Variants in SLC28A1 observed in about 807,000 individuals in gnomAD.
The protein encoded by SLC28A1 is solute carrier family 28 member 1, also known as sodium/nucleoside cotransporter 1.
A neutral mutation model predicts 74.8 loss-of-function variants in SLC28A1; 64 were observed. That is an observed-to-expected ratio of 0.86 (90% CI 0.70 to 1.05). The LOEUF (loss-of-function observed/expected upper bound fraction) is 1.05, where lower values mean the gene tolerates loss of function less well. SLC28A1 is among the 50% of genes least tolerant of loss of function. The probability of loss-of-function intolerance (pLI) is 0.00; values close to 1 mark genes in which losing one functional copy is unlikely to be tolerated. For missense variants in SLC28A1, 828 were observed against 822.8 expected, an observed-to-expected ratio of 1.01 and a Z score of -0.08; for synonymous variants, 359 against 335.0, an observed-to-expected ratio of 1.07 and a Z score of -0.78.
rs765486857 is a variant in SLC28A1 at position 84,921,074 on chromosome 15, G to T, written c.957+5G>T. The T allele has an allele frequency of 2.5e-6, 4 of 1,610,420 alleles. No homozygotes were observed. The South Asian group carries it at 4.4e-5, about 18-fold the overall frequency. On this transcript the variant is annotated splice_donor_5th_base_variant and intron_variant, in intron 11 of 18. Coordinates refer to ENST00000394573, the MANE Select transcript of SLC28A1 (RefSeq NM_004213.5). ...GGAAACATCTTTGTGAGCCAGGTGGGTATGGAAGCCTCCTACCCTCATGCT... is the reference window on the plus strand; with the variant it reads ...GGAAACATCTTTGTGAGCCAGGTGGTTATGGAAGCCTCCTACCCTCATGCT...
intron 9 of SLC28A1, among the ~76,000 whole-genome samples, chr15:84,916,340 C>T (rs1470214048): frequency 6.6e-6 from 1 of 150,680 alleles, no homozygotes; most frequent in Non-Finnish European, 1.5e-5. Context: ...CTCCTGGAAT[C>T]CAGTAATCCT....
chr15:84,923,748 G>A (rs1274802155), intron 11 of SLC28A1, among the ~76,000 whole-genome samples: 2 of 152,132 alleles, frequency 1.3e-5, no homozygotes, highest in Admixed American at 6.6e-5. Flanking sequence ...TGCCTGGCAC[G>A]TGGCAGGACA....
chr15:84,896,667 C>T (rs1445488464), intron 6 of SLC28A1, among the ~76,000 whole-genome samples: 3 of 152,038 alleles, frequency 2.0e-5, no homozygotes, highest in Non-Finnish European at 2.9e-5. Context: ...CAAAAATTAG[C>T]CAGGCATGGT....
intron 6 of SLC28A1, among the ~76,000 whole-genome samples, chr15:84,899,911 GAA>G (rs1252851634): frequency 1.7e-5 from 2 of 120,498 alleles, no homozygotes; most frequent in African/African-American, 5.7e-5. Context: ...GAAAGAAAGA[GAA>G]AGAGGGAAAG....
chr15:84,887,433 C>A, intron 2 of SLC28A1: 1 of 983,330 alleles, frequency 1.0e-6, no homozygotes, highest in Non-Finnish European at 1.2e-6. Flanking sequence ...CCTGTAATCC[C>A]AACACTTTGG....
At chr15:84,891,732 C>T (rs944791885) in intron 5 of SLC28A1, among the ~76,000 whole-genome samples, 10 of 152,126 alleles carry the variant, frequency 6.6e-5, no homozygotes, top group Non-Finnish European at 5.9e-5. Context: ...TGAATTGGAG[C>T]GGATGGCAGA....
chr15:84,910,083 G>A (rs1297473641), intron 9 of SLC28A1, among the ~76,000 whole-genome samples: 2 of 152,192 alleles, frequency 1.3e-5, no homozygotes, highest in Non-Finnish European at 1.5e-5. Context: ...CATCTCTTGT[G>A]CCAGCAGACT....
At chr15:84,888,981 GAATAAAGGCGCTTTAGCC>G in intron 4 of SLC28A1, 121 bp downstream of exon 4, 1 of 725,824 alleles carries the variant, frequency 1.4e-6, no homozygotes, top group South Asian at 1.5e-5. Context: ...TTGAAGGGAG[GAATAAAGGCGCTTTAGCC>G]AACACGCACA....
At position 84,920,502 on chromosome 15, in the gene SLC28A1, A is replaced by G. The variant is rs140330477; in HGVS notation, c.877-487A>G. 2.3e-3 allele frequency among the ~76,000 whole-genome samples: 299 copies of G among 129,074 alleles called. 2 individuals are homozygous for G. Among genetic ancestry groups the G allele is most frequent in the African/African-American group, 7.9e-3 (285 of 36,090 alleles). 84.7% of individuals were successfully genotyped at this position (129,074 alleles called of 152,430 possible). On this transcript the variant is annotated intron_variant, in intron 10 of 18. Transcript: ENST00000394573. ...AGGGGAAGGGGAAGGGCTTTCTAAT[A>G]GAATGTTTCCCAAAACCTTTTCCAC... is the stretch of plus-strand genomic sequence containing the variant.
chr15:84,953,817 G>T, the SLC28A1 span, among the ~76,000 whole-genome samples: 2 of 152,174 alleles, frequency 1.3e-5, no homozygotes, highest in Non-Finnish European at 2.9e-5. Flanking sequence ...AATCAGAGGG[G>T]TATATTACTT....
intron 9 of SLC28A1, among the ~76,000 whole-genome samples, chr15:84,914,173 C>G (rs534315309): frequency 3.2e-4 from 49 of 152,162 alleles, no homozygotes; most frequent in Admixed American, 2.1e-3. Context: ...TGGTCTTGAA[C>G]TCCTGAACTC....
intron 8 of SLC28A1, among the ~76,000 whole-genome samples, chr15:84,908,404 G>A (rs549632903): frequency 6.6e-6 from 1 of 151,852 alleles, no homozygotes; most frequent in African/African-American, 2.4e-5. Context: ...AGCTGGTTTC[G>A]AACTCCTGAC....
At chr15:84,968,276 G>A in the SLC28A1 span, among the ~76,000 whole-genome samples, 1 of 152,272 alleles carries the variant, frequency 6.6e-6, no homozygotes, top group African/African-American at 2.4e-5. Flanking sequence ...TTGTGAGGGT[G>A]GGATGCAAAA....
chr15:84,933,684 A>G (rs1398954532), intron 13 of SLC28A1, among the ~76,000 whole-genome samples: 3 of 152,072 alleles, frequency 2.0e-5, no homozygotes, highest in African/African-American at 7.2e-5. Flanking sequence ...TTAAGAAGCC[A>G]CCAGTCAAGT....
the SLC28A1 span, among the ~76,000 whole-genome samples, chr15:84,970,612 G>A: frequency 1.3e-5 from 2 of 152,192 alleles, no homozygotes; most frequent in East Asian, 3.9e-4. Context: ...GGCAGTCGGG[G>A]GTAAATTTGG....
At chr15:84,962,442 A>G in the SLC28A1 span, among the ~76,000 whole-genome samples, 1 of 150,406 alleles carries the variant, frequency 6.6e-6, no homozygotes, top group African/African-American at 2.5e-5. Flanking sequence ...TGGGCCTATG[A>G]TTTTTTGTTT....
chr15:84,964,373 C>T, the SLC28A1 span, among the ~76,000 whole-genome samples: 47 of 152,262 alleles, frequency 3.1e-4, no homozygotes, highest in South Asian at 1.9e-3. Context: ...CCTTTCAGGG[C>T]ACTCATTGCC....
intron 10 of SLC28A1, among the ~76,000 whole-genome samples, chr15:84,920,703 GGT>G (rs61457641): frequency 3.6e-5 from 5 of 137,272 alleles, no homozygotes; most frequent in Non-Finnish European, 5.1e-5. Flanking sequence ...ATCTCCAAGG[GGT>G]GTGTGTGTGT....
chr15:84,956,458 T>C, the SLC28A1 span, among the ~76,000 whole-genome samples: 1,106 of 74,508 alleles, frequency 0.015, 9 homozygotes, highest in African/African-American at 0.051. Flanking sequence ...TTTCTTTCTT[T>C]CTTTCTTTCC....
Sources: allele counts gnomAD v4.1 joint callset (sites outside exome capture counted in the v4.1 genomes callset), GRCh38; gene constraint gnomAD v4.1.1; transcripts MANE v1.5; gene names NCBI Gene and HGNC (gene_info 2026-07-23, HGNC 2026-07-21).